TNRC6C: variants seen among roughly 807,000 people sequenced by gnomAD.
TNRC6C encodes the protein trinucleotide repeat containing adaptor 6C.
A neutral mutation model predicts 153.7 loss-of-function variants in TNRC6C; 20 were observed. The observed-to-expected ratio is 0.13, with a 90% CI of 0.09 to 0.19. TNRC6C has a LOEUF of 0.19. Among genes scored for constraint, TNRC6C ranks in the 10% least tolerant of loss-of-function variants. The pLI, the probability that TNRC6C is intolerant of heterozygous loss-of-function variation, is 1.00. For synonymous variants in TNRC6C, 811 were observed against 841.4 expected (o/e 0.96, Z 0.63); for missense variants, 1,987 against 2,172.0 (o/e 0.91, Z 1.69).
chr17:78,093,562 C>T (rs146854350), intron 15 of TNRC6C, 58 bp from the exon 18 acceptor site: 18,385 of 1,587,930 alleles, frequency 0.012, 194 homozygotes, highest in South Asian at 0.037. Context: ...TTTAAAATTT[C>T]GTGAATCAAT....
intron 3 of TNRC6C, among the ~76,000 whole-genome samples, chr17:78,053,512 C>T (rs2072580818): frequency 6.6e-6 from 1 of 151,754 alleles, no homozygotes; most frequent in Non-Finnish European, 1.5e-5. Flanking sequence ...GTCTCTAATC[C>T]CAGCTACTCA....
chr17:78,026,154 A>C (rs1043124138), intron 1 of TNRC6C, among the ~76,000 whole-genome samples: 4 of 152,194 alleles, frequency 2.6e-5, no homozygotes, highest in African/African-American at 9.6e-5. Flanking sequence ...TTTAAACTTT[A>C]TATGTTTGAG....
At chr17:78,076,531 A>G (rs2073088730) in intron 8 of TNRC6C, among the ~76,000 whole-genome samples, 1 of 152,232 alleles carries the variant, frequency 6.6e-6, no homozygotes, top group South Asian at 2.1e-4. Context: ...AATTACTGTT[A>G]TCTGAAATTC....
At chr17:78,053,366 A>G (rs1382559535) in intron 3 of TNRC6C, among the ~76,000 whole-genome samples, 4 of 152,216 alleles carry the variant, frequency 2.6e-5, no homozygotes, top group African/African-American at 7.2e-5. Context: ...GTGGTGGCTC[A>G]TGCCTGTAAT....
chr17:77,980,187 CA>C (rs1399314559), intron 1 of TNRC6C, among the ~76,000 whole-genome samples: 3 of 152,162 alleles, frequency 2.0e-5, no homozygotes, highest in African/African-American at 7.2e-5. Flanking sequence ...CTGTGTAAAA[CA>C]GTAAAAATAT....
At chr17:78,098,379 G>C (rs1598793420) in exon 17 of TNRC6C, 1 of 1,613,674 alleles carries the variant, frequency 6.2e-7, no homozygotes, top group Non-Finnish European at 8.5e-7. Flanking sequence ...TGGTCCTCTG[G>C]CCCTACCTCC....
chr17:77,991,658 G>T (rs1184100248), intron 1 of TNRC6C, among the ~76,000 whole-genome samples: 1 of 152,140 alleles, frequency 6.6e-6, no homozygotes, highest in African/African-American at 2.4e-5. Flanking sequence ...TGAGCATGTT[G>T]TATTTTGGGG....
chr17:78,037,574 G>A (rs546899380), intron 2 of TNRC6C, among the ~76,000 whole-genome samples: 71 of 152,282 alleles, frequency 4.7e-4, no homozygotes, highest in Non-Finnish European at 8.5e-4. Context: ...AAAGGGCGTC[G>A]CAGATGGAGT....
rs569880567 is a variant in TNRC6C at position 77,970,594 on chromosome 17, C to T, written c.-38+11326C>T. On this transcript the variant is annotated intron_variant, in intron 1 of 22. Transcript: ENST00000636222. ...GACCAAGCTTGCCCAACCTGCAGCCCGGGATAGCTTTGAATGCGGCCCAAA... is the reference window on the plus strand; with the variant it reads ...GACCAAGCTTGCCCAACCTGCAGCCTGGGATAGCTTTGAATGCGGCCCAAA... Among the ~76,000 whole-genome samples the T allele has an allele frequency of 2.0e-4, 31 of 152,100 alleles. No homozygotes were observed. The South Asian group carries it at 2.7e-3, about 13-fold the overall frequency.
intron 14 of TNRC6C, 33 bp downstream of exon 16, chr17:78,091,640 C>T: frequency 6.9e-7 from 1 of 1,447,118 alleles, no homozygotes; most frequent in East Asian, 2.7e-5. Flanking sequence ...GTGGTGGGAT[C>T]ACTGCTGGCT....
chr17:77,972,238 C>T (rs991248114), intron 1 of TNRC6C, among the ~76,000 whole-genome samples: 4 of 152,130 alleles, frequency 2.6e-5, no homozygotes, highest in Admixed American at 6.5e-5. Context: ...GAGGGCCAGG[C>T]GCGGTGGCAC....
exon 3 of TNRC6C, chr17:78,050,894 A>G (rs1306871943): frequency 1.2e-6 from 2 of 1,613,680 alleles, no homozygotes; most frequent in African/African-American, 2.7e-5. Context: ...CACTTGGGGG[A>G]TGGGAAAAAA....
chr17:78,072,419 G>A (rs1352909197), intron 6 of TNRC6C, among the ~76,000 whole-genome samples: 2 of 152,252 alleles, frequency 1.3e-5, no homozygotes, highest in East Asian at 3.8e-4. Flanking sequence ...CTCCGACAGT[G>A]ACTGACATAG....
chr17:78,065,488 A>C (rs917041676), intron 4 of TNRC6C, among the ~76,000 whole-genome samples: 1 of 152,196 alleles, frequency 6.6e-6, no homozygotes, highest in African/African-American at 2.4e-5. Flanking sequence ...GCAACCCCGC[A>C]TATTATGTTT....
chr17:78,100,089 C>T (rs554977870), intron 17 of TNRC6C, among the ~76,000 whole-genome samples: 1 of 152,350 alleles, frequency 6.6e-6, no homozygotes, highest in African/African-American at 2.4e-5. Flanking sequence ...TCTTGGGCAG[C>T]TCTGCAGGGT....
exon 17 of TNRC6C, chr17:78,098,430 C>A: frequency 3.1e-6 from 5 of 1,613,952 alleles, no homozygotes; most frequent in Non-Finnish European, 4.2e-6. Flanking sequence ...TGGAAGGTGC[C>A]CAGAAACAGT....
intron 1 of TNRC6C, among the ~76,000 whole-genome samples, chr17:77,996,974 C>G (rs1019559444): frequency 6.6e-6 from 1 of 152,046 alleles, no homozygotes; most frequent in Non-Finnish European, 1.5e-5. Context: ...AGACAGCCAA[C>G]CAAAATGAGA....
At chr17:78,071,918 G>A (rs977236717) in intron 6 of TNRC6C, among the ~76,000 whole-genome samples, 5 of 152,152 alleles carry the variant, frequency 3.3e-5, no homozygotes, top group East Asian at 1.9e-4. Context: ...ATTGTAGGGC[G>A]TTCCCCTGAA....
intron 1 of TNRC6C, among the ~76,000 whole-genome samples, chr17:78,021,675 T>C (rs2071835156): frequency 6.6e-6 from 1 of 152,170 alleles, no homozygotes. Context: ...GCTCAAGTCA[T>C]TATTCTGCCT....
Sources: gnomAD v4.1 joint callset for allele counts (sites outside exome capture counted in the v4.1 genomes callset) on GRCh38, gnomAD v4.1.1 for gene constraint, MANE v1.5 for transcripts, NCBI Gene and HGNC (gene_info 2026-07-23, HGNC 2026-07-21) for gene names.